The following SPON1 variants were observed in gnomAD, a reference collection of about 807,000 sequenced individuals.
SPON1 encodes the protein spondin-1.
SPON1 carries 52 observed loss-of-function variants against 111.7 expected under a neutral mutation model. The observed-to-expected ratio is 0.47, with a 90% CI of 0.37 to 0.59. The LOEUF (loss-of-function observed/expected upper bound fraction) is 0.59. Among genes scored for constraint, SPON1 ranks in the 20% least tolerant of loss-of-function variants. The pLI, the probability that SPON1 is intolerant of heterozygous loss-of-function variation, is 0.00. For missense variants in SPON1, 957 were observed against 1,068.5 expected (o/e 0.90, Z 1.46); for synonymous variants, 410 against 395.8 (o/e 1.04, Z -0.43).
intron 2 of SPON1, among the ~76,000 whole-genome samples, chr11:13,996,711 G>GTATATATATATATATATATATA (rs145375464): frequency 2.8e-5 from 4 of 145,212 alleles, no homozygotes; most frequent in African/African-American, 1.1e-4. Context: ...ACCTATGTGT[G>GTATATATATATATATATATATA]TATATATATA....
Position 14,121,673 on chromosome 11 carries a change from A to C in SPON1, c.677-13747A>C, listed in dbSNP as rs565740653. Among the ~76,000 whole-genome samples, 117 of 152,294 alleles carry C rather than the reference A, an allele frequency of 7.7e-4. 1 individual carries two copies. Among genetic ancestry groups the C allele is most frequent in the African/African-American group, 2.7e-3 (114 of 41,560 alleles). ...GAGATTAAAGGTGCACCTTACCCAC[A>C]TATTTCCCATTTCCAGCACTCTTTA... On this transcript the variant is annotated intron_variant, in intron 5 of 15. Coordinates refer to ENST00000576479, the MANE Select transcript of SPON1 (RefSeq NM_006108.4).
At chr11:14,159,015 A>G (rs1182157773) in intron 6 of SPON1, among the ~76,000 whole-genome samples, 1 of 152,048 alleles carries the variant, frequency 6.6e-6, no homozygotes, top group Non-Finnish European at 1.5e-5. Context: ...CTTAATTTAT[A>G]TTGGGAAATA....
intron 6 of SPON1, among the ~76,000 whole-genome samples, chr11:14,166,366 A>G (rs962164786): frequency 2.6e-5 from 4 of 152,228 alleles, no homozygotes; most frequent in African/African-American, 4.8e-5. Context: ...TCACAAGAGT[A>G]TATTTTACTC....
intron 6 of SPON1, among the ~76,000 whole-genome samples, chr11:14,184,929 C>A (rs574661675): frequency 3.3e-5 from 5 of 152,290 alleles, no homozygotes; most frequent in South Asian, 2.1e-4. Flanking sequence ...TCCGTGGAAC[C>A]CATGGAAGAC....
intron 6 of SPON1, among the ~76,000 whole-genome samples, chr11:14,239,691 C>T (rs1199571780): frequency 6.6e-6 from 1 of 152,306 alleles, no homozygotes; most frequent in African/African-American, 2.4e-5. Context: ...TGCCACTGCA[C>T]TACAACCTGG....
intron 6 of SPON1, among the ~76,000 whole-genome samples, chr11:14,176,516 TCATAGGGCTACAGACACCCCAC>T (rs1385959938): frequency 6.6e-6 from 1 of 151,708 alleles, no homozygotes; most frequent in Non-Finnish European, 1.5e-5. Context: ...AGACACCCCA[TCATAGGGCTACAGACACCCCAC>T]CATAGGGCTA....
chr11:14,002,251 G>T (rs1226664620), intron 2 of SPON1, among the ~76,000 whole-genome samples: 1 of 152,134 alleles, frequency 6.6e-6, no homozygotes, highest in Non-Finnish European at 1.5e-5. Context: ...ATGAACATCA[G>T]AATCTCCTGG....
chr11:14,082,677 A>G (rs1554922160), intron 5 of SPON1, among the ~76,000 whole-genome samples: 1 of 152,218 alleles, frequency 6.6e-6, no homozygotes, highest in African/African-American at 2.4e-5. Flanking sequence ...GGGAGACTGG[A>G]GCCGTTTAAA....
intron 6 of SPON1, among the ~76,000 whole-genome samples, chr11:14,220,311 T>C (rs1554937488): frequency 6.6e-6 from 1 of 152,154 alleles, no homozygotes; most frequent in Non-Finnish European, 1.5e-5. Context: ...ACTCCGGACA[T>C]GGTTCAGTAA....
chr11:14,172,730 T>G (rs1293252675), intron 6 of SPON1, among the ~76,000 whole-genome samples: 1 of 151,862 alleles, frequency 6.6e-6, no homozygotes, highest in Non-Finnish European at 1.5e-5. Flanking sequence ...TGTAAAGTAT[T>G]TTATTTCTCC....
In SPON1 at chr11:14,243,350, G is replaced by A. The variant is rs782247472; in HGVS notation, c.844G>A (p.Val282Ile). The A allele has an allele frequency of 1.6e-5, 26 of 1,584,500 alleles. No homozygotes were observed. Among genetic ancestry groups the A allele is most frequent in the African/African-American group, 5.4e-5 (4 of 74,320 alleles). ...IRQQSDEVLT[V>I]IKAKAQWPAW... ...TTTGCAGAGTGATGAGGTCCTCACC[G>A]TCATCAAAGCCAAAGCCCAATGGCC... The change falls in exon 7 of 16, where the codon GTC becomes ATC. Residue 282 changes from valine (V) to isoleucine (I), a missense_variant. Transcript: ENST00000576479.
chr11:14,070,872 G>A, intron 3 of SPON1, among the ~76,000 whole-genome samples: 1 of 152,096 alleles, frequency 6.6e-6, no homozygotes, highest in East Asian at 1.9e-4. Context: ...GGCATTTTTG[G>A]AAATGTTCAC....
intron 2 of SPON1, 143 bp from the exon 3 acceptor site, chr11:14,041,378 C>T (rs1223173060): frequency 1.1e-6 from 1 of 939,638 alleles, no homozygotes; most frequent in Non-Finnish European, 1.6e-6. Flanking sequence ...TTATGCCAAG[C>T]ACTATTCTGG....
intron 8 of SPON1, among the ~76,000 whole-genome samples, chr11:14,255,024 G>A (rs189334494): frequency 1.8e-4 from 28 of 152,302 alleles, no homozygotes; most frequent in Non-Finnish European, 3.5e-4. Context: ...CTGGGCTAAG[G>A]AGTTTGCATT....
chr11:13,998,908 A>G (rs1848294805), intron 2 of SPON1, among the ~76,000 whole-genome samples: 1 of 152,240 alleles, frequency 6.6e-6, no homozygotes, highest in Non-Finnish European at 1.5e-5. Context: ...TTTATGCAAA[A>G]AAGAACTTTT....
At chr11:14,167,222 A>G (rs1848041140) in intron 6 of SPON1, among the ~76,000 whole-genome samples, 1 of 152,114 alleles carries the variant, frequency 6.6e-6, no homozygotes, top group East Asian at 1.9e-4. Context: ...TCATTACTGG[A>G]CTTTAGAGGA....
intron 1 of SPON1, 151 bp from the exon 2 acceptor site, chr11:13,982,696 C>T (rs555309830): frequency 4.9e-6 from 3 of 617,362 alleles, no homozygotes; most frequent in Middle Eastern, 2.6e-4. Flanking sequence ...GGTAAGAGTT[C>T]TCACCTCAAT....
intron 5 of SPON1, among the ~76,000 whole-genome samples, chr11:14,086,161 G>A (rs1554922580): frequency 6.6e-6 from 1 of 151,988 alleles, no homozygotes; most frequent in African/African-American, 2.4e-5. Context: ...TGATTGCCCT[G>A]GTCAGAACTT....
intron 7 of SPON1, among the ~76,000 whole-genome samples, chr11:14,248,192 G>A: frequency 6.6e-6 from 1 of 152,156 alleles, no homozygotes; most frequent in Non-Finnish European, 1.5e-5. Context: ...GGTCATCAGT[G>A]ACCTTACGGA....
Sources: allele counts gnomAD v4.1 joint callset (sites outside exome capture counted in the v4.1 genomes callset), GRCh38; gene constraint gnomAD v4.1.1; transcripts MANE v1.5; gene names NCBI Gene and HGNC (gene_info 2026-07-23, HGNC 2026-07-21).